Variants in CNTN5 observed in about 807,000 individuals in gnomAD.
The protein encoded by CNTN5 is contactin 5, also known as contactin-5.
In CNTN5, 77 loss-of-function variants were observed where a neutral mutation model predicts 129.1. The ratio of observed to expected loss-of-function variants is 0.60; its 90% CI spans 0.50 to 0.72. The LOEUF is 0.72. Ranked by LOEUF, CNTN5 falls within the 30% of genes least tolerant of loss-of-function variation. The pLI is 0.00. For missense variants in CNTN5, 1,478 were observed against 1,328.8 expected, an observed-to-expected ratio of 1.11 and a Z score of -1.75; for synonymous variants, 509 against 465.6, an observed-to-expected ratio of 1.09 and a Z score of -1.20.
At chr11:99,562,691 C>T (rs1948880934) in intron 3 of CNTN5, among the ~76,000 whole-genome samples, 1 of 152,026 alleles carries the variant, frequency 6.6e-6, no homozygotes, top group Admixed American at 6.6e-5. Flanking sequence ...AACATACTGG[C>T]ATTAAAATAT....
chr11:99,586,851 A>T (rs1949808981), intron 3 of CNTN5, among the ~76,000 whole-genome samples: 1 of 152,326 alleles, frequency 6.6e-6, no homozygotes, highest in Non-Finnish European at 1.5e-5. Context: ...TAACATAGTC[A>T]CCAAAATAAA....
chr11:99,570,455 A>G (rs1311957219), intron 3 of CNTN5, among the ~76,000 whole-genome samples: 3 of 152,238 alleles, frequency 2.0e-5, no homozygotes, highest in African/African-American at 7.2e-5. Context: ...GTCGTAGCCT[A>G]TATACTTTGT....
chr11:99,913,990 C>T lies in CNTN5; in HGVS notation c.578-2064C>T, dbSNP rs538801918. ...TAAAATCAAGCATGGTGGCTTTCCC[C>T]TATAATCCCAGTACTTTGGGAAACA... On this transcript the variant is annotated intron_variant, in intron 6 of 24. Transcript: ENST00000524871. Among the ~76,000 whole-genome samples the T allele has an allele frequency of 4.6e-5, 7 of 152,194 alleles. No homozygotes were observed. The South Asian group carries it at 1.5e-3, about 32-fold the overall frequency.
intron 8 of CNTN5, among the ~76,000 whole-genome samples, chr11:99,960,453 A>T (rs957121363): frequency 1.3e-5 from 2 of 152,132 alleles, no homozygotes; most frequent in African/African-American, 2.4e-5. Flanking sequence ...AAACTGGAAA[A>T]TCAATAAATA....
intron 3 of CNTN5, among the ~76,000 whole-genome samples, chr11:99,678,054 T>G (rs1953372578): frequency 6.6e-6 from 1 of 152,130 alleles, no homozygotes; most frequent in Non-Finnish European, 1.5e-5. Flanking sequence ...TTTTTGATAC[T>G]TATATGTTTT....
intron 8 of CNTN5, among the ~76,000 whole-genome samples, chr11:99,972,134 GC>G (rs1379898411): frequency 1.3e-5 from 2 of 150,776 alleles, no homozygotes; most frequent in Non-Finnish European, 3.0e-5. Flanking sequence ...GGTGGCGGGT[GC>G]CTGTAGTCCC....
chr11:99,458,723 A>G (rs1199713298), intron 2 of CNTN5, among the ~76,000 whole-genome samples: 2 of 152,014 alleles, frequency 1.3e-5, no homozygotes, highest in East Asian at 3.9e-4. Context: ...ATGGAACCAT[A>G]TAGCCTTGGT....
chr11:100,313,046 T>G (rs919255514), intron 21 of CNTN5, among the ~76,000 whole-genome samples: 8 of 152,000 alleles, frequency 5.3e-5, no homozygotes, highest in Non-Finnish European at 8.8e-5. Flanking sequence ...TTAAAATAGT[T>G]TGAGGGTTGG....
intron 2 of CNTN5, among the ~76,000 whole-genome samples, chr11:99,540,251 A>G (rs1948053434): frequency 6.6e-6 from 1 of 152,210 alleles, no homozygotes; most frequent in African/African-American, 2.4e-5. Context: ...TGTTGTGTTC[A>G]AGTTCTGAGA....
rs116076643 is a variant in CNTN5 at position 100,006,338 on chromosome 11, C to T, written c.980+4202C>T. Among the ~76,000 whole-genome samples, 725 of 152,186 alleles carry T rather than the reference C, an allele frequency of 4.8e-3. 5 individuals are homozygous for T. Among genetic ancestry groups the T allele is most frequent in the African/African-American group, 0.016 (673 of 41,530 alleles). Reference sequence around the variant, plus strand: ...CAATAAGGTTTGTCACATTGATTGACTCTGTAGCTTATGATGCTGTTAGAT... The same window carrying T: ...CAATAAGGTTTGTCACATTGATTGATTCTGTAGCTTATGATGCTGTTAGAT... On this transcript the variant is annotated intron_variant, in intron 9 of 24. Transcript: ENST00000524871.
At chr11:99,355,821 GTT>G (rs386756715) in intron 2 of CNTN5, among the ~76,000 whole-genome samples, 2 of 131,130 alleles carry the variant, frequency 1.5e-5, no homozygotes, top group Non-Finnish European at 1.6e-5. Context: ...GTTTTTTTTT[GTT>G]TTTTTTTTTT....
chr11:100,159,009 A>G (rs1387561379), intron 13 of CNTN5, among the ~76,000 whole-genome samples: 2 of 151,892 alleles, frequency 1.3e-5, no homozygotes, highest in Non-Finnish European at 2.9e-5. Flanking sequence ...CTAAAGCTAT[A>G]TCTAACAATA....
chr11:99,277,675 T>A (rs914734093), intron 1 of CNTN5, among the ~76,000 whole-genome samples: 1 of 151,724 alleles, frequency 6.6e-6, no homozygotes, highest in African/African-American at 2.4e-5. Context: ...ACTCCTCTAG[T>A]CAAAGAGGAA....
At chr11:100,198,934 C>T (rs1433690943) in intron 15 of CNTN5, among the ~76,000 whole-genome samples, 4 of 151,904 alleles carry the variant, frequency 2.6e-5, no homozygotes, top group Non-Finnish European at 5.9e-5. Context: ...ACAGACACTT[C>T]TACTCCTAGT....
At chr11:100,340,205 G>A (rs1952129089) in intron 21 of CNTN5, among the ~76,000 whole-genome samples, 1 of 152,122 alleles carries the variant, frequency 6.6e-6, no homozygotes, top group Non-Finnish European at 1.5e-5. Context: ...ACTCCTTCAG[G>A]CCACCAGGCT....
intron 1 of CNTN5, among the ~76,000 whole-genome samples, chr11:99,253,665 T>G (rs1410836485): frequency 6.6e-6 from 1 of 151,836 alleles, no homozygotes; most frequent in African/African-American, 2.4e-5. Flanking sequence ...TTTCTTTATT[T>G]AGATTGTATG....
intron 2 of CNTN5, among the ~76,000 whole-genome samples, chr11:99,365,991 A>C (rs1468682236): frequency 6.6e-6 from 1 of 152,100 alleles, no homozygotes; most frequent in Non-Finnish European, 1.5e-5. Flanking sequence ...TATTACAGAA[A>C]GTTTTAGCAA....
At chr11:99,753,357 C>T (rs895350621) in intron 3 of CNTN5, among the ~76,000 whole-genome samples, 1 of 151,228 alleles carries the variant, frequency 6.6e-6, no homozygotes, top group East Asian at 2.0e-4. Flanking sequence ...CTCCTGACCT[C>T]GTGATTCACC....
At chr11:99,428,919 T>G (rs1232638223) in intron 2 of CNTN5, among the ~76,000 whole-genome samples, 1 of 152,092 alleles carries the variant, frequency 6.6e-6, no homozygotes, top group East Asian at 1.9e-4. Context: ...TTTAGCAATT[T>G]TCATTAAATC....
Sources: gnomAD v4.1 joint callset for allele counts (sites outside exome capture counted in the v4.1 genomes callset) on GRCh38, gnomAD v4.1.1 for gene constraint, MANE v1.5 for transcripts, NCBI Gene and HGNC (gene_info 2026-07-23, HGNC 2026-07-21) for gene names.